The following CREBBP variants were observed in gnomAD, a reference collection of about 807,000 sequenced individuals.
CREBBP encodes the protein CREB-binding protein.
CREBBP carries 19 observed loss-of-function variants against 265.0 expected under a neutral mutation model. That is an observed-to-expected ratio of 0.07 (90% CI 0.05 to 0.11). CREBBP has a LOEUF of 0.11. CREBBP is among the 10% of genes least tolerant of loss of function. The pLI, the probability that CREBBP is intolerant of heterozygous loss-of-function variation, is 1.00. For missense variants in CREBBP, 2,525 were observed against 3,219.0 expected, an observed-to-expected ratio of 0.78 and a Z score of 5.22; for synonymous variants, 1,457 against 1,223.7, an observed-to-expected ratio of 1.19 and a Z score of -3.98.
chr16:3,807,836 A>C (rs538637679), intron 3 of CREBBP, among the ~76,000 whole-genome samples: 2 of 152,244 alleles, frequency 1.3e-5, no homozygotes, highest in East Asian at 3.9e-4. Flanking sequence ...TCTGGTTCCT[A>C]CCACTATGTG....
chr16:3,777,427 A>C (rs2053169869), intron 11 of CREBBP, among the ~76,000 whole-genome samples, 186 bp downstream of exon 11: 1 of 152,200 alleles, frequency 6.6e-6, no homozygotes, highest in South Asian at 2.1e-4. Context: ...TCTTTCCTAT[A>C]ATCTCCAAAC....
At chr16:3,755,127 A>C (rs1349837377) in intron 19 of CREBBP, among the ~76,000 whole-genome samples, 1 of 152,236 alleles carries the variant, frequency 6.6e-6, no homozygotes, top group African/African-American at 2.4e-5. Flanking sequence ...TGTTTAGTAA[A>C]AATGAAGTTC....
At position 3,778,786 on chromosome 16, in the gene CREBBP, C is replaced by A. The variant is rs1013334018; in HGVS notation, c.1855G>T (p.Ala619Ser). Residue 619 changes from alanine (A) to serine (S), a missense_variant, in exon 9 of 31, where the codon GCA (alanine) becomes TCA (serine). Around this residue, in one of 19 missense-constraint regions of CREBBP, gnomAD observed 29 missense variants for 99.9 expected, o/e 0.29. Transcript: ENST00000262367. ...TCCATGCGGCGATCCTTTAGAGCTG[C>A]GGGATCAGGTGTTGGGAAGATGGCT... ...VQAIFPTPDP[A>S]ALKDRRMENL... The A allele has an allele frequency of 1.2e-6, 2 of 1,613,760 alleles. No individual in the cohort carries two copies. Among genetic ancestry groups the A allele is most frequent in the Non-Finnish European group, 8.5e-7 (1 of 1,179,854 alleles).
chr16:3,853,937 C>CA (rs2054906833), intron 1 of CREBBP, among the ~76,000 whole-genome samples: 1 of 151,366 alleles, frequency 6.6e-6, no homozygotes, highest in African/African-American at 2.4e-5. Context: ...AACTCCGTCT[C>CA]AAAAACAAAC....
At chr16:3,787,417 T>A (rs1186222351) in intron 5 of CREBBP, among the ~76,000 whole-genome samples, 1 of 151,996 alleles carries the variant, frequency 6.6e-6, no homozygotes, top group Non-Finnish European at 1.5e-5. Flanking sequence ...TAAGTCAGGG[T>A]CAATCAAGCC....
intron 2 of CREBBP, among the ~76,000 whole-genome samples, chr16:3,826,252 A>G (rs1380692854): frequency 6.6e-6 from 1 of 152,206 alleles, no homozygotes; most frequent in Non-Finnish European, 1.5e-5. Context: ...CATGTAAAAG[A>G]CACTTTCATT....
At chr16:3,831,430 T>G (rs532899322) in intron 2 of CREBBP, among the ~76,000 whole-genome samples, 1 of 152,160 alleles carries the variant, frequency 6.6e-6, no homozygotes, top group Non-Finnish European at 1.5e-5. Context: ...AAAAGATGCA[T>G]AGGGTTTAAG....
At chr16:3,803,610 T>C (rs997891528) in intron 3 of CREBBP, among the ~76,000 whole-genome samples, 1 of 151,986 alleles carries the variant, frequency 6.6e-6, no homozygotes, top group East Asian at 1.9e-4. Flanking sequence ...AGAAAGCAAA[T>C]GGCTAAGGGG....
chr16:3,739,663 A>G lies in CREBBP; in HGVS notation c.4195T>C (p.Phe1399Leu). ...ACATCCACGCCGTCAATTTCCTCAA[A>G]AGCAAACAGAGCTTTGGTTCGATAT... is the stretch of plus-strand genomic sequence containing the variant. ...FPYRTKALFA[F>L]EEIDGVDVCF... The change falls in exon 25 of 31, where the codon TTT (phenylalanine) becomes CTT (leucine). Residue 1399 changes from phenylalanine (F) to leucine (L), a missense_variant. Physicochemically the swap from Phe to Leu is conservative, Grantham distance 22. Around this residue, in one of 19 missense-constraint regions of CREBBP, gnomAD observed 252 missense variants for 452.5 expected, o/e 0.56. Coordinates refer to ENST00000262367, the MANE Select transcript of CREBBP (RefSeq NM_004380.3). 6.2e-7 allele frequency: 1 copy of G among 1,614,200 alleles called. No individual in the cohort carries two copies. The highest frequency in any genetic ancestry group is 8.5e-7 in the Non-Finnish European group (1 of 1,180,036).
At chr16:3,855,517 A>C (rs1340133878) in intron 1 of CREBBP, among the ~76,000 whole-genome samples, 3 of 152,154 alleles carry the variant, frequency 2.0e-5, no homozygotes, top group African/African-American at 7.2e-5. Context: ...CGCCCGCCTA[A>C]GCCTCCCAAA....
intron 19 of CREBBP, among the ~76,000 whole-genome samples, chr16:3,755,827 T>C (rs1270711658): frequency 1.3e-5 from 2 of 152,186 alleles, no homozygotes; most frequent in Non-Finnish European, 2.9e-5. Flanking sequence ...GCTGCACTTC[T>C]AGCAGGGATG....
chr16:3,741,710 CG>C (rs2052212775), intron 23 of CREBBP: 1 of 152,020 alleles, frequency 6.6e-6, no homozygotes, highest in Non-Finnish European at 1.5e-5. Flanking sequence ...GAGGCTGAGG[CG>C]AGTGGATCAC....
chr16:3,823,811 C>T (rs757407640), intron 2 of CREBBP, among the ~76,000 whole-genome samples: 1 of 152,150 alleles, frequency 6.6e-6, no homozygotes, highest in Non-Finnish European at 1.5e-5. Context: ...TGGCAAGGCA[C>T]ACTTCTAGTC....
intron 2 of CREBBP, among the ~76,000 whole-genome samples, chr16:3,843,020 A>T (rs2141456760): frequency 6.6e-6 from 1 of 151,918 alleles, no homozygotes; most frequent in African/African-American, 2.4e-5. Context: ...AGAAATAATC[A>T]CAAACATCAA....
intron 16 of CREBBP, among the ~76,000 whole-genome samples, chr16:3,759,998 C>G (rs2052675849): frequency 6.6e-6 from 1 of 152,330 alleles, no homozygotes; most frequent in Non-Finnish European, 1.5e-5. Flanking sequence ...CATGTTCACT[C>G]ACACAGAGAA....
rs2151308915 is a variant in CREBBP at position 3,729,348 on chromosome 16, G to T, written c.5699C>A (p.Pro1900His). ...PGTPTQQPST[P>H]QTPQPPAQPQ... ...CTGGGCAGGGGGCTGCGGCGTCTGG[G>T]GTGTGCTGGGCTGCTGTGTGGGGGT... Residue 1900 changes from proline (P) to histidine (H), a missense_variant, in exon 31 of 31, where the codon CCC becomes CAC. Pro to His is a moderately conservative substitution (Grantham distance 77, BLOSUM62 -2). Coordinates refer to ENST00000262367, the MANE Select transcript of CREBBP (RefSeq NM_004380.3). 1.3e-6 allele frequency: 2 copies of T among 1,600,000 alleles called. No individual in the cohort carries two copies. The highest frequency in any genetic ancestry group is 8.5e-7 in the Non-Finnish European group (1 of 1,176,716).
At chr16:3,774,908 T>C (rs2053100258) in intron 11 of CREBBP, among the ~76,000 whole-genome samples, 1 of 152,092 alleles carries the variant, frequency 6.6e-6, no homozygotes. Context: ...GACGGTGGCA[T>C]GGTGAGGGGT....
At chr16:3,753,521 G>A (rs2052520867) in intron 19 of CREBBP, among the ~76,000 whole-genome samples, 2 of 152,158 alleles carry the variant, frequency 1.3e-5, no homozygotes. Flanking sequence ...ACTCTGACAG[G>A]CAAGAGGCAG....
chr16:3,857,698 C>T (rs1222187918), intron 1 of CREBBP, among the ~76,000 whole-genome samples: 1 of 152,202 alleles, frequency 6.6e-6, no homozygotes, highest in African/African-American at 2.4e-5. Flanking sequence ...ACTGTGGGCA[C>T]CCTGCACCCA....
Sources: gnomAD v4.1 joint callset for allele counts (sites outside exome capture counted in the v4.1 genomes callset) on GRCh38, gnomAD v4.1.1 for gene constraint, gnomAD v4.1.1 regional missense constraint, MANE v1.5 for transcripts, NCBI Gene and HGNC (gene_info 2026-07-23, HGNC 2026-07-21) for gene names.